ALDH3B2: variants seen among roughly 807,000 people sequenced by gnomAD.
ALDH3B2 encodes the protein aldehyde dehydrogenase family 3 member B2.
A neutral mutation model predicts 36.7 loss-of-function variants in ALDH3B2; 45 were observed. That is an observed-to-expected ratio of 1.23 (90% CI 0.97 to 1.57). The LOEUF (loss-of-function observed/expected upper bound fraction) is 1.57, where lower values mean the gene tolerates loss of function less well. ALDH3B2 is among the 40% of genes most tolerant of loss of function. The probability of loss-of-function intolerance (pLI) is 0.00; values close to 1 mark genes in which losing one functional copy is unlikely to be tolerated. For synonymous variants in ALDH3B2, 217 were observed against 226.5 expected (o/e 0.96, Z 0.38); for missense variants, 464 against 513.3 (o/e 0.90, Z 0.93).
chr11:67,670,979 C>T (rs1277579188), intron 1 of ALDH3B2: 2 of 152,548 alleles, frequency 1.3e-5, no homozygotes, highest in African/African-American at 2.4e-5. Flanking sequence ...AGGGCCCTGA[C>T]CCAAAGCTTT....
chr11:67,678,020 T>C (rs184006375), upstream of ALDH3B2, among the ~76,000 whole-genome samples: 681 of 152,296 alleles, frequency 4.5e-3, 7 homozygotes, highest in African/African-American at 0.016. Flanking sequence ...AGAATCAGTA[T>C]TGTGAAGATG....
In ALDH3B2 at chr11:67,666,890, T is replaced by C; in HGVS notation, c.30+16A>G. 1 of 1,614,198 alleles carries C rather than the reference T, an allele frequency of 6.2e-7. No homozygotes were observed. The highest frequency in any genetic ancestry group is 8.5e-7 in the Non-Finnish European group (1 of 1,180,026). Reference sequence around the variant, plus strand: ...TGCCCTGCCCTGCCCTCCTGCCGCCTGCCAGCAGGGCTCACCAGGTTCGTG... The same window carrying C: ...TGCCCTGCCCTGCCCTCCTGCCGCCCGCCAGCAGGGCTCACCAGGTTCGTG... On this transcript the variant is annotated intron_variant, in intron 3 of 9. Coordinates refer to ENST00000349015, the Ensembl canonical transcript of ALDH3B2.
rs190579012 is a variant in ALDH3B2, at chr11:67,668,079, C to A, written c.-244-444G>T. The A allele has an allele frequency of 1.7e-4, 26 of 152,740 alleles. No individual in the cohort carries two copies. The South Asian group carries it at 2.9e-3, about 17-fold the overall frequency. 9.5% of individuals were successfully genotyped at this position (152,740 alleles called of 1,614,324 possible). On this transcript the variant is annotated intron_variant, in intron 1 of 9. Coordinates refer to ENST00000349015, the Ensembl canonical transcript of ALDH3B2. ...GAACAGAGCTCTCCCCTGGGCCTCC[C>A]TCCCTTCTGGGACTAAACGAGGGAC...
chr11:67,667,070 G>T, intron 2 of ALDH3B2, 54 bp from the exon 3 acceptor site: 1 of 1,083,406 alleles, frequency 9.2e-7, no homozygotes, highest in Non-Finnish European at 1.4e-6. Flanking sequence ...GCCAGGAGGG[G>T]TCTAGAATTT....
chr11:67,669,278 GTGTT>G (rs1458291447), intron 1 of ALDH3B2, among the ~76,000 whole-genome samples: 1 of 150,374 alleles, frequency 6.7e-6, no homozygotes. Flanking sequence ...GTGTGTATGG[GTGTT>G]TGTGTATGGA....
chr11:67,664,257 G>A, intron 8 of ALDH3B2, 139 bp downstream of exon 8: 1 of 1,335,684 alleles, frequency 7.5e-7, no homozygotes, highest in Non-Finnish European at 1.0e-6. Context: ...CGGATGCAGT[G>A]GTACCAGGTG....
chr11:67,664,455 T>C (rs778115731), exon 8 of ALDH3B2: 3 of 1,614,070 alleles, frequency 1.9e-6, no homozygotes, highest in Non-Finnish European at 1.7e-6. Flanking sequence ...TTGATGAACT[T>C]GATGGCCTCG....
chr11:67,666,590 C>T, exon 4 of ALDH3B2: 1 of 1,614,034 alleles, frequency 6.2e-7, no homozygotes, highest in Non-Finnish European at 8.5e-7. Flanking sequence ...CGAGGGCGCC[C>T]ACCAGGAGCA....
chr11:67,663,948 G>T (rs1855824607), intron 8 of ALDH3B2, among the ~76,000 whole-genome samples, 187 bp from the exon 9 acceptor site: 1 of 152,124 alleles, frequency 6.6e-6, no homozygotes, highest in Non-Finnish European at 1.5e-5. Flanking sequence ...TGCCATGGGG[G>T]TGATTACCAC....
At chr11:67,678,538 A>G (rs139755515), upstream of ALDH3B2, among the ~76,000 whole-genome samples, 6,886 of 151,762 alleles carry the variant, frequency 0.045, 529 homozygotes, top group African/African-American at 0.16. Flanking sequence ...CATTGGAAAA[A>G]CCCTTCTAGA....
upstream of ALDH3B2, among the ~76,000 whole-genome samples, chr11:67,675,496 C>T (rs566913081): frequency 2.0e-3 from 305 of 152,302 alleles, 4 homozygotes; most frequent in Non-Finnish European, 2.2e-3. Flanking sequence ...CACCTTCCCC[C>T]AAGCCTGAGA....
At chr11:67,664,417 G>A (rs1490215074) in exon 8 of ALDH3B2, 17 of 1,614,018 alleles carry the variant, frequency 1.1e-5, no homozygotes, top group Non-Finnish European at 1.4e-5. Context: ...TGGAGAAGGC[G>A]TACAGGGCCA....
At chr11:67,678,983 C>A (rs568464556), upstream of ALDH3B2, among the ~76,000 whole-genome samples, 1 of 152,050 alleles carries the variant, frequency 6.6e-6, no homozygotes, top group South Asian at 2.1e-4. Context: ...TATGAGGACG[C>A]AAAGCATAAG....
intron 7 of ALDH3B2, among the ~76,000 whole-genome samples, chr11:67,664,818 G>A (rs531828432): frequency 2.6e-5 from 4 of 152,356 alleles, no homozygotes; most frequent in South Asian, 4.1e-4. Context: ...CTCACAGTCA[G>A]GGGTGATGGG....
intron 1 of ALDH3B2, among the ~76,000 whole-genome samples, chr11:67,679,750 C>T (rs1856337108): frequency 6.6e-6 from 1 of 151,790 alleles, no homozygotes. Context: ...GCACACCATT[C>T]CCATCAAACC....
At chr11:67,678,636 C>CATATATATATATAT (rs34057662), upstream of ALDH3B2, among the ~76,000 whole-genome samples, 62 of 146,666 alleles carry the variant, frequency 4.2e-4, no homozygotes, top group African/African-American at 1.5e-3. Flanking sequence ...TACTATGGTA[C>CATATATATATATAT]ATATATATAT....
upstream of ALDH3B2, among the ~76,000 whole-genome samples, chr11:67,678,621 A>G (rs570856339): frequency 2.6e-4 from 39 of 151,056 alleles, no homozygotes; most frequent in Non-Finnish European, 1.3e-4. Flanking sequence ...TACTGTGTAT[A>G]TATATACTAT....
At chr11:67,673,363 C>T (rs76785262) in intron 1 of ALDH3B2, among the ~76,000 whole-genome samples, 12,885 of 152,204 alleles carry the variant, frequency 0.085, 566 homozygotes, top group East Asian at 0.12. Flanking sequence ...TCACAGTCTA[C>T]ACACGGAACA....
exon 8 of ALDH3B2, chr11:67,664,418 T>A: frequency 6.2e-7 from 1 of 1,614,098 alleles, no homozygotes; most frequent in Non-Finnish European, 8.5e-7. Flanking sequence ...GGAGAAGGCG[T>A]ACAGGGCCAG....
Sources: gnomAD v4.1 joint callset for allele counts (sites outside exome capture counted in the v4.1 genomes callset) on GRCh38, gnomAD v4.1.1 for gene constraint, MANE v1.5 for transcripts, NCBI Gene and HGNC (gene_info 2026-07-23, HGNC 2026-07-21) for gene names.